The following BMAL1 variants were observed in gnomAD, a reference collection of about 807,000 sequenced individuals.
The protein encoded by BMAL1 is basic helix-loop-helix ARNT-like protein 1.
the BMAL1 span, among the ~76,000 whole-genome samples, chr11:13,360,958 A>G: frequency 1.3e-5 from 2 of 152,170 alleles, no homozygotes; most frequent in Non-Finnish European, 2.9e-5. Flanking sequence ...TCTATTAAAT[A>G]TATAAAAATT....
chr11:13,356,264 A>T, the BMAL1 span: 10 of 457,660 alleles, frequency 2.2e-5, no homozygotes, highest in South Asian at 1.1e-4. Flanking sequence ...TGGTACTTTA[A>T]TTCCACCCTC....
At chr11:13,373,330 A>C in the BMAL1 span, among the ~76,000 whole-genome samples, 2 of 152,070 alleles carry the variant, frequency 1.3e-5, no homozygotes, top group African/African-American at 4.8e-5. Flanking sequence ...CAGGCTAATA[A>C]TTTTTCTGGC....
At chr11:13,366,819 CCACT>C in the BMAL1 span, 7 of 1,570,774 alleles carry the variant, frequency 4.5e-6, no homozygotes, top group Non-Finnish European at 6.1e-6. Context: ...CCTCAGCAGC[CCACT>C]CACAGGCAGC....
the BMAL1 span, chr11:13,381,314 G>A: frequency 4.5e-6 from 7 of 1,546,294 alleles, no homozygotes; most frequent in Admixed American, 1.2e-4. Flanking sequence ...CTGAAATGTT[G>A]GGGGTGGGAG....
At chr11:13,375,114 G>A in the BMAL1 span, among the ~76,000 whole-genome samples, 3 of 152,210 alleles carry the variant, frequency 2.0e-5, no homozygotes, top group Non-Finnish European at 4.4e-5. Flanking sequence ...GAGGGCAGGA[G>A]TCATAGCCTG....
the BMAL1 span, among the ~76,000 whole-genome samples, chr11:13,370,298 G>A: frequency 6.6e-6 from 1 of 151,994 alleles, no homozygotes; most frequent in East Asian, 1.9e-4. Flanking sequence ...CTCTCTGTTG[G>A]TCATGTCATC....
At chr11:13,356,036 C>T in the BMAL1 span, among the ~76,000 whole-genome samples, 1 of 152,142 alleles carries the variant, frequency 6.6e-6, no homozygotes, top group Non-Finnish European at 1.5e-5. Flanking sequence ...AGTCTGTTTT[C>T]TTCTACTGAA....
At chr11:13,349,700 G>A in the BMAL1 span, among the ~76,000 whole-genome samples, 3 of 152,124 alleles carry the variant, frequency 2.0e-5, no homozygotes, top group Non-Finnish European at 2.9e-5. Flanking sequence ...GTTTTTCACC[G>A]AAAATATCTC....
the BMAL1 span, among the ~76,000 whole-genome samples, chr11:13,377,509 A>T: frequency 6.6e-6 from 1 of 152,174 alleles, no homozygotes; most frequent in Non-Finnish European, 1.5e-5. Context: ...GATTATTGCA[A>T]ATCACTTCGC....
the BMAL1 span, among the ~76,000 whole-genome samples, chr11:13,349,034 G>T: frequency 3.3e-5 from 5 of 152,116 alleles, no homozygotes; most frequent in South Asian, 1.0e-3. Flanking sequence ...CTTCCTTTCA[G>T]AGCCAGTTTC....
chr11:13,286,602 T>C, the BMAL1 span, among the ~76,000 whole-genome samples: 1 of 152,212 alleles, frequency 6.6e-6, no homozygotes, highest in Admixed American at 6.5e-5. Flanking sequence ...TGAAGAAGTA[T>C]ATGGCACTCA....
At chr11:13,386,624 G>A in the BMAL1 span, 16 of 1,613,938 alleles carry the variant, frequency 9.9e-6, no homozygotes, top group African/African-American at 2.7e-5. Flanking sequence ...GTATAGACAT[G>A]ATTGACAACG....
chr11:13,367,274 G>A, the BMAL1 span, among the ~76,000 whole-genome samples: 6 of 152,120 alleles, frequency 3.9e-5, no homozygotes, highest in East Asian at 1.9e-4. Context: ...TTGCAGTAGT[G>A]GAACCACCAT....
the BMAL1 span, among the ~76,000 whole-genome samples, chr11:13,350,504 G>A: frequency 6.6e-6 from 1 of 152,180 alleles, no homozygotes; most frequent in African/African-American, 2.4e-5. Context: ...CTATTAAAAT[G>A]TATTCTAAAG....
the BMAL1 span, chr11:13,355,111 G>A: frequency 9.1e-6 from 8 of 878,256 alleles, no homozygotes; most frequent in East Asian, 5.4e-5. Flanking sequence ...TTGTTTTGCC[G>A]AAGCACCTGC....
the BMAL1 span, among the ~76,000 whole-genome samples, chr11:13,293,957 A>G: frequency 6.6e-6 from 1 of 152,252 alleles, no homozygotes; most frequent in Non-Finnish European, 1.5e-5. Context: ...TTTGGAAAAA[A>G]TGTGTGACTT....
the BMAL1 span, chr11:13,356,663 G>T: frequency 6.4e-7 from 1 of 1,551,100 alleles, no homozygotes; most frequent in Non-Finnish European, 8.8e-7. Flanking sequence ...ATAAATGAGA[G>T]CCTTCTGTCT....
At chr11:13,371,299 C>T in the BMAL1 span, among the ~76,000 whole-genome samples, 1 of 152,124 alleles carries the variant, frequency 6.6e-6, no homozygotes, top group African/African-American at 2.4e-5. Flanking sequence ...TTCTCTGAGT[C>T]AGTGAATGAC....
At chr11:13,372,107 T>A in the BMAL1 span, 3 of 1,604,746 alleles carry the variant, frequency 1.9e-6, no homozygotes, top group African/African-American at 4.0e-5. Flanking sequence ...ATCGGCCGTG[T>A]ACACCTCCAT....
Sources: gnomAD v4.1 joint callset for allele counts (sites outside exome capture counted in the v4.1 genomes callset) on GRCh38, gnomAD v4.1.1 for gene constraint, MANE v1.5 for transcripts, NCBI Gene and HGNC (gene_info 2026-07-23, HGNC 2026-07-21) for gene names.